Variants in VAV3 observed in about 807,000 individuals in gnomAD.
VAV3 encodes the protein vav guanine nucleotide exchange factor 3.
Under a neutral mutation model 131.2 loss-of-function variants are expected in VAV3, and 94 were observed. That is an observed-to-expected ratio of 0.72 (90% CI 0.61 to 0.85). The LOEUF is 0.85. Among genes scored for constraint, VAV3 ranks in the 40% least tolerant of loss-of-function variants. The pLI is 0.00. For missense variants in VAV3, 939 were observed against 1,002.7 expected (o/e 0.94, Z 0.86); for synonymous variants, 349 against 342.0 (o/e 1.02, Z -0.22).
chr1:107,955,376 A>G (rs1674757741), intron 1 of VAV3, among the ~76,000 whole-genome samples: 1 of 151,868 alleles, frequency 6.6e-6, no homozygotes, highest in Non-Finnish European at 1.5e-5. Flanking sequence ...TTTTCATCCC[A>G]TTGATGAATT....
intron 20 of VAV3, among the ~76,000 whole-genome samples, chr1:107,637,319 A>AT (rs561268548): frequency 1.9e-4 from 28 of 148,760 alleles, no homozygotes; most frequent in African/African-American, 2.7e-4. Context: ...TTGTTTTATA[A>AT]TTTTTTTTTT....
rs539922619 is a variant in VAV3 at position 107,902,225 on chromosome 1, C to G, written c.205-27208G>C. Among the ~76,000 whole-genome samples the G allele has an allele frequency of 2.6e-5, 4 of 152,306 alleles. No homozygotes were observed. The South Asian group carries it at 8.3e-4, about 32-fold the overall frequency. On this transcript the variant is annotated intron_variant, in intron 1 of 26. Transcript: ENST00000370056. ...GGACAGGAGGCTAGACCAAGGGTCT[C>G]TACAGACTTTGCCTAGTTTTCTGTG...
chr1:107,659,325 C>T (rs1656829104), intron 19 of VAV3, among the ~76,000 whole-genome samples: 2 of 151,880 alleles, frequency 1.3e-5, no homozygotes, highest in Non-Finnish European at 2.9e-5. Context: ...CAAAACTATA[C>T]ATAGGAAATG....
At chr1:107,655,041 T>A (rs903741489) in intron 19 of VAV3, among the ~76,000 whole-genome samples, 1 of 152,076 alleles carries the variant, frequency 6.6e-6, no homozygotes, top group African/African-American at 2.4e-5. Context: ...AATGACACAC[T>A]GAAATAAAAC....
At chr1:107,639,576 T>A (rs574945513) in intron 20 of VAV3, among the ~76,000 whole-genome samples, 42 of 152,210 alleles carry the variant, frequency 2.8e-4, no homozygotes, top group African/African-American at 8.9e-4. Flanking sequence ...CAAAAAGATG[T>A]TCAACATTAT....
chr1:107,731,494 A>C (rs1166318926), intron 15 of VAV3, among the ~76,000 whole-genome samples: 2 of 152,210 alleles, frequency 1.3e-5, no homozygotes, highest in Admixed American at 6.5e-5. Flanking sequence ...TTTCCAGGTA[A>C]GGAAGAGTTA....
chr1:107,617,646 A>G lies in VAV3; in HGVS notation c.1915-14T>C. ...TAAATTTCTGCCCTAAGGAAAAAAA[A>G]AAAATGCCAGTGTTGAGAACAAATT... is the stretch of plus-strand genomic sequence containing the variant. On this transcript the variant is annotated splice_polypyrimidine_tract_variant and intron_variant, in intron 20 of 26. Coordinates refer to ENST00000370056, the MANE Select transcript of VAV3 (RefSeq NM_006113.5). 1 of 1,612,092 alleles carries G rather than the reference A, an allele frequency of 6.2e-7. No homozygotes were observed. The highest frequency in any genetic ancestry group is 1.1e-5 in the South Asian group (1 of 90,602).
At chr1:107,918,705 A>ATATATT (rs1274987055) in intron 1 of VAV3, among the ~76,000 whole-genome samples, 67 of 76,982 alleles carry the variant, frequency 8.7e-4, no homozygotes, top group African/African-American at 2.6e-3. Context: ...ATATATATAT[A>ATATATT]TTTTTTTTTT....
At chr1:107,773,175 G>A (rs1472193774) in intron 4 of VAV3, among the ~76,000 whole-genome samples, 3 of 152,134 alleles carry the variant, frequency 2.0e-5, no homozygotes, top group Admixed American at 2.0e-4. Context: ...AAAGAGATGA[G>A]GAAGTTGAAA....
In VAV3 at chr1:107,751,674, C is replaced by CG. The variant is rs541302911; in HGVS notation, c.1174-473dup. On this transcript the variant is annotated intron_variant, in intron 12 of 26. Transcript: ENST00000370056. ...TGCCATGAAGGAGTACAGAAAGGGG[C>CG]GGGGGGGCGCGCGCTAATTTGGTCT... is the stretch of plus-strand genomic sequence containing the variant. 8.9e-4 allele frequency among the ~76,000 whole-genome samples: 133 copies of CG among 148,624 alleles called. No homozygotes were observed. In the Middle Eastern group the frequency reaches 0.014, roughly 16 times the overall value.
intron 19 of VAV3, among the ~76,000 whole-genome samples, chr1:107,666,796 C>G (rs914672935): frequency 2.6e-5 from 4 of 152,062 alleles, no homozygotes; most frequent in Middle Eastern, 3.2e-3. Context: ...TATATTAACT[C>G]GTTTAAGCCT....
At chr1:107,629,157 A>C (rs894273391) in intron 20 of VAV3, among the ~76,000 whole-genome samples, 2 of 152,208 alleles carry the variant, frequency 1.3e-5, no homozygotes, top group Non-Finnish European at 2.9e-5. Context: ...AAACCCCATG[A>C]TATAAGACAC....
intron 1 of VAV3, among the ~76,000 whole-genome samples, chr1:107,926,347 A>G (rs1279869750): frequency 6.6e-6 from 1 of 152,158 alleles, no homozygotes; most frequent in Non-Finnish European, 1.5e-5. Flanking sequence ...ACATAGGACA[A>G]GTTGAACTTC....
chr1:107,946,522 G>A (rs1036060626), intron 1 of VAV3, among the ~76,000 whole-genome samples: 4 of 152,156 alleles, frequency 2.6e-5, no homozygotes, highest in Non-Finnish European at 5.9e-5. Context: ...CTACAAAAAT[G>A]TTTATGACCA....
chr1:107,889,438 G>GT (rs1273870236), intron 1 of VAV3, among the ~76,000 whole-genome samples: 3 of 150,714 alleles, frequency 2.0e-5, no homozygotes, highest in African/African-American at 4.9e-5. Context: ...CAAAACAGAT[G>GT]TTTTTTAAAG....
At chr1:107,824,304 G>C (rs1041109257) in intron 2 of VAV3, among the ~76,000 whole-genome samples, 3 of 152,210 alleles carry the variant, frequency 2.0e-5, no homozygotes, top group Non-Finnish European at 4.4e-5. Context: ...AAAGGGAAAT[G>C]AGAATAAGGT....
At chr1:107,817,091 G>A (rs1012304454) in intron 2 of VAV3, among the ~76,000 whole-genome samples, 3 of 152,102 alleles carry the variant, frequency 2.0e-5, no homozygotes, top group Non-Finnish European at 4.4e-5. Flanking sequence ...TCTTTCCAAG[G>A]ACATATTCAT....
intron 1 of VAV3, among the ~76,000 whole-genome samples, chr1:107,903,146 T>C (rs1007591726): frequency 6.6e-6 from 1 of 151,868 alleles, no homozygotes; most frequent in African/African-American, 2.4e-5. Context: ...AGAGAAAAAA[T>C]GAGGTAGCAG....
At chr1:107,634,081 A>C (rs898962838) in intron 20 of VAV3, among the ~76,000 whole-genome samples, 2 of 152,196 alleles carry the variant, frequency 1.3e-5, no homozygotes. Flanking sequence ...CATCCCCATC[A>C]AGCTACCAAT....
Sources: allele counts gnomAD v4.1 joint callset (sites outside exome capture counted in the v4.1 genomes callset), GRCh38; gene constraint gnomAD v4.1.1; transcripts MANE v1.5; gene names NCBI Gene and HGNC (gene_info 2026-07-23, HGNC 2026-07-21).